STK32B: variants seen among roughly 807,000 people sequenced by gnomAD.
STK32B encodes the protein serine/threonine kinase 32B, also known as serine/threonine-protein kinase 32B.
STK32B carries 43 observed loss-of-function variants against 52.6 expected under a neutral mutation model. The ratio of observed to expected loss-of-function variants is 0.82; its 90% CI spans 0.64 to 1.05. The LOEUF (loss-of-function observed/expected upper bound fraction) is 1.05, where lower values mean the gene tolerates loss of function less well. Among genes scored for constraint, STK32B ranks in the 50% least tolerant of loss-of-function variants. The probability of loss-of-function intolerance (pLI) is 0.00; values close to 1 mark genes in which losing one functional copy is unlikely to be tolerated. For missense variants in STK32B, 621 were observed against 534.6 expected, an observed-to-expected ratio of 1.16 and a Z score of -1.59; for synonymous variants, 238 against 204.3, an observed-to-expected ratio of 1.17 and a Z score of -1.41.
intron 4 of STK32B, among the ~76,000 whole-genome samples, chr4:5,358,016 A>G (rs1734296451): frequency 6.6e-6 from 1 of 152,228 alleles, no homozygotes. Context: ...AATTCAATTT[A>G]AGGCACAACT....
chr4:5,262,603 C>T (rs185544518), intron 3 of STK32B, among the ~76,000 whole-genome samples: 2,837 of 143,228 alleles, frequency 0.02, 48 homozygotes, highest in Non-Finnish European at 0.029. Flanking sequence ...CCAGCCTGGG[C>T]GACAGAGCGA....
At chr4:5,496,060 T>C (rs897427118) in intron 11 of STK32B, among the ~76,000 whole-genome samples, 2 of 152,200 alleles carry the variant, frequency 1.3e-5, no homozygotes, top group Admixed American at 6.5e-5. Flanking sequence ...GTCTGCCTGT[T>C]CTCAGATCTC....
chr4:5,139,443 C>T (rs542374831), intron 1 of STK32B: 3 of 163,652 alleles, frequency 1.8e-5, no homozygotes, highest in African/African-American at 7.2e-5. Flanking sequence ...GGACAAAAGG[C>T]TTGACAGACT....
intron 1 of STK32B, among the ~76,000 whole-genome samples, chr4:5,113,926 GC>G (rs533816601): frequency 1.5e-3 from 42 of 28,792 alleles, no homozygotes; most frequent in South Asian, 2.5e-3. Flanking sequence ...AGGGAAACCC[GC>G]CCCCCTTTTT....
rs185318217 is a variant in STK32B, at chr4:5,264,643, C to T, written c.261-66577C>T. On this transcript the variant is annotated intron_variant, in intron 3 of 11. Transcript: ENST00000282908. ...CTACTAAAAATAAAAAAAAAATAGC[C>T]GGGCATGGTGGCGGGCGCCTGTAGT... Among the ~76,000 whole-genome samples the T allele has an allele frequency of 1.8e-3, 273 of 152,046 alleles. 5 individuals carry two copies. Among genetic ancestry groups the T allele is most frequent in the Admixed American group, 0.014 (215 of 15,280 alleles).
intron 2 of STK32B, among the ~76,000 whole-genome samples, chr4:5,146,830 G>A (rs1157762014): frequency 1.3e-5 from 2 of 152,018 alleles, no homozygotes; most frequent in African/African-American, 4.8e-5. Flanking sequence ...GCAGGTTTCT[G>A]GTGTGTCTTA....
Position 5,168,399 on chromosome 4 carries a change from G to A in STK32B, c.209G>A (p.Arg70Gln), listed in dbSNP as rs200882867. 2.1e-5 allele frequency: 34 copies of A among 1,613,712 alleles called. No individual in the cohort carries two copies. In the African/African-American group the frequency reaches 2.8e-4, roughly 13 times the overall value. The part of the protein sequence containing the change: ...IERDEVRNVF[R>Q]ELQIMQGLEH... ...AGGGATGAGGTTCGGAATGTTTTCC[G>A]GGAGCTGCAGATCATGCAAGGGCTG... Residue 70 changes from arginine to glutamine, a missense_variant, in exon 3 of 12, where the codon CGG becomes CAG. Coordinates refer to ENST00000282908, the MANE Select transcript of STK32B (RefSeq NM_018401.3).
intron 4 of STK32B, among the ~76,000 whole-genome samples, chr4:5,350,764 A>T (rs559734790): frequency 2.6e-5 from 4 of 152,266 alleles, no homozygotes; most frequent in South Asian, 2.1e-4. Flanking sequence ...CTGTAAAGAC[A>T]CATATAGACT....
chr4:5,297,148 T>C (rs1328923799), intron 3 of STK32B, among the ~76,000 whole-genome samples: 4 of 152,218 alleles, frequency 2.6e-5, no homozygotes, highest in African/African-American at 9.6e-5. Context: ...AGATATCCGC[T>C]ATTAGTCTGA....
At chr4:5,328,021 G>A (rs934959188) in intron 3 of STK32B, among the ~76,000 whole-genome samples, 10 of 152,166 alleles carry the variant, frequency 6.6e-5, no homozygotes, top group Admixed American at 1.3e-4. Context: ...TGGAGATGGC[G>A]TCTTTTCTTT....
At chr4:5,083,397 C>G (rs1712543687) in intron 1 of STK32B, among the ~76,000 whole-genome samples, 1 of 152,122 alleles carries the variant, frequency 6.6e-6, no homozygotes, top group African/African-American at 2.4e-5. Flanking sequence ...TCATCTTTGG[C>G]TCATTCACAT....
At chr4:5,167,198 C>T (rs1207982194) in intron 2 of STK32B, among the ~76,000 whole-genome samples, 1 of 152,160 alleles carries the variant, frequency 6.6e-6, no homozygotes, top group Non-Finnish European at 1.5e-5. Flanking sequence ...CCACCTTGCC[C>T]CCAACTGCCC....
chr4:5,273,048 A>C (rs1157905146), intron 3 of STK32B, among the ~76,000 whole-genome samples: 1 of 138,266 alleles, frequency 7.2e-6, no homozygotes, highest in Admixed American at 7.3e-5. Context: ...ATCAGAGTGA[A>C]CAGGCAACCT....
intron 2 of STK32B, among the ~76,000 whole-genome samples, chr4:5,159,767 A>T (rs1229531658): frequency 7.0e-6 from 1 of 143,876 alleles, no homozygotes; most frequent in Non-Finnish European, 1.5e-5. Context: ...GAATATATAT[A>T]TGAATATATG....
intron 11 of STK32B, among the ~76,000 whole-genome samples, chr4:5,494,940 G>C (rs577292788): frequency 6.6e-6 from 1 of 152,166 alleles, no homozygotes; most frequent in African/African-American, 2.4e-5. Flanking sequence ...TCTGCCTAGC[G>C]ATCAGCTGTT....
intron 1 of STK32B, among the ~76,000 whole-genome samples, chr4:5,055,040 C>T (rs1198871209): frequency 2.6e-5 from 4 of 151,970 alleles, no homozygotes; most frequent in South Asian, 2.1e-4. Context: ...AAAAAGGGCA[C>T]GTTAGCTGAG....
At chr4:5,205,677 T>G (rs1722509704) in intron 3 of STK32B, among the ~76,000 whole-genome samples, 1 of 150,356 alleles carries the variant, frequency 6.7e-6, no homozygotes, top group Non-Finnish European at 1.5e-5. Flanking sequence ...TGGCAGAGGT[T>G]GACAGTTCTA....
intron 3 of STK32B, among the ~76,000 whole-genome samples, chr4:5,311,914 A>ATATAT (rs143725868): frequency 4.1e-5 from 6 of 145,410 alleles, no homozygotes; most frequent in African/African-American, 1.6e-4. Context: ...ATATATATAT[A>ATATAT]TTTTTTTTTA....
intron 4 of STK32B, among the ~76,000 whole-genome samples, chr4:5,336,381 A>G (rs1051710431): frequency 1.3e-5 from 2 of 152,074 alleles, no homozygotes; most frequent in Non-Finnish European, 2.9e-5. Context: ...ATGACATCAT[A>G]GGATTATCAG....
Sources: allele counts gnomAD v4.1 joint callset (sites outside exome capture counted in the v4.1 genomes callset), GRCh38; gene constraint gnomAD v4.1.1; transcripts MANE v1.5; gene names NCBI Gene and HGNC (gene_info 2026-07-23, HGNC 2026-07-21).